The following ZBTB7C variants were observed in gnomAD, a reference collection of about 807,000 sequenced individuals.
ZBTB7C encodes the protein zinc finger and BTB domain-containing protein 7C.
ZBTB7C carries 8 observed loss-of-function variants against 25.7 expected under a neutral mutation model. The ratio of observed to expected loss-of-function variants is 0.31; its 90% confidence interval spans 0.18 to 0.56. The LOEUF is 0.56. Ranked by LOEUF, ZBTB7C falls within the 20% of genes least tolerant of loss-of-function variation. The pLI is 0.91. For missense variants in ZBTB7C, 824 were observed against 855.2 expected, an observed-to-expected ratio of 0.96 and a Z score of 0.46; for synonymous variants, 394 against 369.0, an observed-to-expected ratio of 1.07 and a Z score of -0.78.
intron 1 of ZBTB7C, among the ~76,000 whole-genome samples, chr18:48,390,723 A>G (rs567389233): frequency 7.2e-5 from 11 of 152,348 alleles, no homozygotes; most frequent in African/African-American, 2.6e-4. Flanking sequence ...GTGTGGTTCC[A>G]GCCCCAGCGG....
chr18:48,250,367 C>T (rs1330151466), intron 2 of ZBTB7C, among the ~76,000 whole-genome samples: 2 of 152,194 alleles, frequency 1.3e-5, no homozygotes. Flanking sequence ...CTGCGCCTCA[C>T]TTTCCTCCGT....
rs147826144 is a variant in ZBTB7C at position 48,284,755 on chromosome 18, C to T, written c.-79+53419G>A. Among the ~76,000 whole-genome samples the T allele has an allele frequency of 2.5e-3, 341 of 137,752 alleles. 2 individuals carry two copies. Among genetic ancestry groups the T allele is most frequent in the African/African-American group, 9.0e-3 (329 of 36,412 alleles). The allele number at this position is 137,752 out of a possible 152,430, so 90.4% of individuals were successfully genotyped here. On this transcript the variant is annotated intron_variant, in intron 2 of 4. Coordinates refer to ENST00000590800, the MANE Select transcript of ZBTB7C (RefSeq NM_001318841.2). ...GCAGTGAGCCAAGATCGTACCACAGCACTCCAGCCTAGGAAACAGAGTGAG... is the reference window on the plus strand; with the variant it reads ...GCAGTGAGCCAAGATCGTACCACAGTACTCCAGCCTAGGAAACAGAGTGAG...
At chr18:48,177,529 C>G (rs1198856556) in intron 3 of ZBTB7C, among the ~76,000 whole-genome samples, 1 of 152,102 alleles carries the variant, frequency 6.6e-6, no homozygotes, top group South Asian at 2.1e-4. Context: ...GCAAAAGGAA[C>G]TATAATTCCT....
chr18:48,210,742 T>G (rs986891308), intron 2 of ZBTB7C, among the ~76,000 whole-genome samples: 3 of 152,126 alleles, frequency 2.0e-5, no homozygotes, highest in Admixed American at 6.5e-5. Flanking sequence ...GAAGAGATGG[T>G]TGCAAAACTC....
chr18:48,291,418 T>G (rs949282032), intron 2 of ZBTB7C, among the ~76,000 whole-genome samples: 5 of 152,110 alleles, frequency 3.3e-5, no homozygotes, highest in African/African-American at 1.2e-4. Flanking sequence ...GTTTCCTCCC[T>G]TGGGGGATTA....
intron 2 of ZBTB7C, among the ~76,000 whole-genome samples, chr18:48,320,260 G>A (rs2046057395): frequency 2.0e-5 from 3 of 152,220 alleles, no homozygotes; most frequent in South Asian, 4.1e-4. Context: ...TCAGTGTGGC[G>A]GGAGTGGAGC....
At chr18:48,383,451 C>T (rs567798609) in intron 1 of ZBTB7C, among the ~76,000 whole-genome samples, 1 of 151,732 alleles carries the variant, frequency 6.6e-6, no homozygotes, top group Non-Finnish European at 1.5e-5. Context: ...TTTTTAGTAG[C>T]GACAGGTTTT....
intron 3 of ZBTB7C, among the ~76,000 whole-genome samples, chr18:48,058,528 C>G (rs1176351212): frequency 6.6e-6 from 1 of 152,240 alleles, no homozygotes; most frequent in Admixed American, 6.5e-5. Context: ...TCCCACCTCT[C>G]TGGTCATCCC....
intron 1 of ZBTB7C, among the ~76,000 whole-genome samples, chr18:48,345,721 A>G (rs1174905845): frequency 6.6e-6 from 1 of 152,196 alleles, no homozygotes; most frequent in African/African-American, 2.4e-5. Context: ...TCCCAGCCCC[A>G]GTCTGGCTGA....
At chr18:48,355,219 T>G (rs1423965637) in intron 1 of ZBTB7C, among the ~76,000 whole-genome samples, 1 of 152,116 alleles carries the variant, frequency 6.6e-6, no homozygotes, top group Non-Finnish European at 1.5e-5. Flanking sequence ...AATCTTTCAT[T>G]GTGAAATTTC....
intron 2 of ZBTB7C, among the ~76,000 whole-genome samples, chr18:48,270,922 T>C (rs1490238806): frequency 1.3e-5 from 2 of 151,852 alleles, no homozygotes; most frequent in Non-Finnish European, 2.9e-5. Context: ...AGGATTTAAA[T>C]GGAAATTTCA....
chr18:48,234,034 G>A (rs556430237), intron 2 of ZBTB7C, among the ~76,000 whole-genome samples: 3 of 151,922 alleles, frequency 2.0e-5, no homozygotes, highest in Non-Finnish European at 2.9e-5. Context: ...AACCTCCAGC[G>A]CCACTGATCA....
intron 2 of ZBTB7C, among the ~76,000 whole-genome samples, chr18:48,223,226 G>C (rs1324288162): frequency 6.6e-6 from 1 of 152,172 alleles, no homozygotes; most frequent in Non-Finnish European, 1.5e-5. Flanking sequence ...GGAATCTGGA[G>C]ACCTGGTTAC....
intron 2 of ZBTB7C, among the ~76,000 whole-genome samples, chr18:48,283,238 T>C (rs1168960961): frequency 6.6e-6 from 1 of 152,196 alleles, no homozygotes; most frequent in Non-Finnish European, 1.5e-5. Context: ...GAATTATTTA[T>C]AACAGGGAAA....
intron 3 of ZBTB7C, among the ~76,000 whole-genome samples, chr18:48,158,772 G>A (rs1196592689): frequency 6.6e-6 from 1 of 152,244 alleles, no homozygotes; most frequent in African/African-American, 2.4e-5. Context: ...GGCAAGTGAA[G>A]CGTGTCAGGC....
intron 3 of ZBTB7C, chr18:48,180,444 G>A (rs1243043294): frequency 2.1e-5 from 9 of 432,154 alleles, no homozygotes. Flanking sequence ...ACAAGGGTCT[G>A]GAGACAGAAG....
At chr18:48,398,374 C>T (rs1413801007) in intron 1 of ZBTB7C, among the ~76,000 whole-genome samples, 1 of 152,218 alleles carries the variant, frequency 6.6e-6, no homozygotes, top group Non-Finnish European at 1.5e-5. Flanking sequence ...TCAAGGTGAG[C>T]TGCCCTTTGG....
At chr18:48,323,743 C>T (rs529084794) in intron 2 of ZBTB7C, among the ~76,000 whole-genome samples, 13 of 152,230 alleles carry the variant, frequency 8.5e-5, no homozygotes, top group African/African-American at 2.6e-4. Flanking sequence ...AGTAAGGATC[C>T]GGCAGTTCAG....
At chr18:48,320,259 C>T (rs1038013638) in intron 2 of ZBTB7C, among the ~76,000 whole-genome samples, 1 of 152,014 alleles carries the variant, frequency 6.6e-6, no homozygotes, top group Non-Finnish European at 1.5e-5. Context: ...TTCAGTGTGG[C>T]GGGAGTGGAG....
Sources: allele counts gnomAD v4.1 joint callset (sites outside exome capture counted in the v4.1 genomes callset), GRCh38; gene constraint gnomAD v4.1.1; transcripts MANE v1.5; gene names NCBI Gene and HGNC (gene_info 2026-07-23, HGNC 2026-07-21).